EGFL8: variants seen among roughly 807,000 people sequenced by gnomAD.
EGFL8 encodes the protein EGF like domain multiple 8.
In EGFL8, 32 loss-of-function variants were observed where a neutral mutation model predicts 39.4. The ratio of observed to expected loss-of-function variants is 0.81; its 90% confidence interval spans 0.61 to 1.09. The LOEUF is 1.09. EGFL8 is among the 50% of genes least tolerant of loss of function. EGFL8 has a pLI of 0.00. For missense variants in EGFL8, 385 were observed against 402.2 expected, an observed-to-expected ratio of 0.96 and a Z score of 0.37; for synonymous variants, 177 against 168.5, an observed-to-expected ratio of 1.05 and a Z score of -0.39.
chr6:32,164,632 G>C lies in EGFL8; in HGVS notation c.-54G>C, dbSNP rs750487892. ...TGCTTCTGCTGAGGCTGGTCTGCTT[G>C]AAGCCTCCCAGGAGAAAGAAGCCAG... is the stretch of plus-strand genomic sequence containing the variant. On this transcript the variant is annotated 5_prime_UTR_variant, in exon 1 of 9. Coordinates refer to ENST00000333845, the MANE Select transcript of EGFL8 (RefSeq NM_030652.4). The surrounding 1 kb of genome is among the most constrained non-coding windows in gnomAD (Gnocchi z 5.4). 10 of 719,810 alleles carry C rather than the reference G, an allele frequency of 1.4e-5. No individual in the cohort carries two copies. Among genetic ancestry groups the C allele is most frequent in the Non-Finnish European group, 2.6e-5 (10 of 386,622 alleles). 44.6% of individuals were successfully genotyped at this position (719,810 alleles called of 1,614,324 possible).
At chr6:32,165,807 A>C (rs1002696895) in intron 1 of EGFL8, 8 of 390,836 alleles carry the variant, frequency 2.0e-5, no homozygotes, top group South Asian at 8.7e-5. Context: ...ACAAAAAAAA[A>C]CCCAAAAAAA....
chr6:32,166,447 A>C lies in EGFL8; in HGVS notation c.102-51A>C, dbSNP rs1784488664. On this transcript the variant is annotated intron_variant, in intron 2 of 8. Transcript: ENST00000333845. The surrounding 1 kb of genome is among the most constrained non-coding windows in gnomAD (Gnocchi z 7.3). ...AGGGAAGTGGGACTCCTGGCTCCCC[A>C]GGGCCTGGCCTACTCAATCTCTCCC... 1 of 1,612,114 alleles carries C rather than the reference A, an allele frequency of 6.2e-7. No homozygotes were observed. Among genetic ancestry groups the C allele is most frequent in the African/African-American group, 1.3e-5 (1 of 74,894 alleles).
Position 32,166,787 on chromosome 6 carries a change from A to AC in EGFL8, c.314dup (p.Ala107GlyfsTer5), listed in dbSNP as rs766894626. The AC allele has an allele frequency of 1.7e-5, 27 of 1,569,774 alleles. No individual in the cohort carries two copies. The highest frequency in any genetic ancestry group is 2.2e-5 in the Non-Finnish European group (25 of 1,156,742). ...TGCTGCCAGGGCTGGAAGAAGCGGC[A>AC]CCCGGGGGCGCTCACCTGTGAAGGT... On this transcript the variant is annotated frameshift_variant, in exon 4 of 9. Transcript: ENST00000333845. LOFTEE classifies it high-confidence loss of function. The surrounding 1 kb of genome is among the most constrained non-coding windows in gnomAD (Gnocchi z 7.3).
Position 32,164,823 on chromosome 6 carries a change from T to G in EGFL8, c.-29+166T>G. 7.5e-4 allele frequency: 414 copies of G among 551,840 alleles called. No individual in the cohort carries two copies. Among genetic ancestry groups the G allele is most frequent in the East Asian group, 1.4e-3 (42 of 29,508 alleles). 34.2% of individuals were successfully genotyped at this position (551,840 alleles called of 1,614,324 possible). On this transcript the variant is annotated intron_variant, in intron 1 of 8. Transcript: ENST00000333845. This position sits in a 1 kb window ranked among gnomAD's most constrained non-coding sequence, Gnocchi z 5.4. ...TGACGGTGTGGGTATATGAGGGGAGTAGCAGTGTGTGAAAGGTGTGGAGTT... is the reference window on the plus strand; with the variant it reads ...TGACGGTGTGGGTATATGAGGGGAGGAGCAGTGTGTGAAAGGTGTGGAGTT...
At position 32,166,980 on chromosome 6, in the gene EGFL8, C is replaced by T. The variant is rs1161151726; in HGVS notation, c.405C>T (p.Gly135=). The T allele has an allele frequency of 1.2e-6, 2 of 1,613,106 alleles. No individual in the cohort carries two copies. Among genetic ancestry groups the T allele is most frequent in the Admixed American group, 1.7e-5 (1 of 60,026 alleles). ...CTGACCAGTGCGAGTGCGCCCCCGG[C>T]TGGGGAGGGAAGCACTGTCATGTGG... ...VRPDQCECAP[G]WGGKHCHVDV... is the part of the protein sequence containing the mutation. The change falls in exon 5 of 9, where the codon GGC becomes GGT. Residue 135 remains glycine (G), a synonymous_variant. Coordinates refer to ENST00000333845, the MANE Select transcript of EGFL8 (RefSeq NM_030652.4). The surrounding 1 kb of genome is among the most constrained non-coding windows in gnomAD (Gnocchi z 7.3).
chr6:32,165,321 A>G (rs9267815), intron 1 of EGFL8: 27,333 of 151,292 alleles, frequency 0.18, 2,621 homozygotes, highest in Non-Finnish European at 0.21. Context: ...AGGCCAAGGC[A>G]GGCGGATCAC....
Position 32,166,274 on chromosome 6 carries a change from C to T in EGFL8, c.101+8C>T. 1 of 1,613,626 alleles carries T rather than the reference C, an allele frequency of 6.2e-7. No homozygotes were observed. The highest frequency in any genetic ancestry group is 8.5e-7 in the Non-Finnish European group (1 of 1,179,860). ...TGGATCCCTCAGAGAGAGGTGACAA[C>T]AGAGGGGGTAGGGCCCGGGGTGAGC... On this transcript the variant is annotated splice_region_variant and intron_variant, in intron 2 of 8. Transcript: ENST00000333845. The surrounding 1 kb of genome is among the most constrained non-coding windows in gnomAD (Gnocchi z 7.3).
rs1239747585 is a variant in EGFL8 at position 32,168,171 on chromosome 6, CT to C, written c.*217del. ...GGGCAGGTTGCCTGGGCAAGAACTG[CT>C]TCTTCAATTCCTTAACAAATGCAAC... On this transcript the variant is annotated 3_prime_UTR_variant, in exon 9 of 9. Coordinates refer to ENST00000333845, the MANE Select transcript of EGFL8 (RefSeq NM_030652.4). The surrounding 1 kb of genome is among the most constrained non-coding windows in gnomAD (Gnocchi z 4.5). The C allele has an allele frequency of 4.2e-6, 2 of 481,714 alleles. No individual in the cohort carries two copies. The highest frequency in any genetic ancestry group is 7.5e-6 in the Non-Finnish European group (2 of 264,906). The allele number at this position is 481,714 out of a possible 1,614,324, so 29.8% of individuals were successfully genotyped here.
In EGFL8 at chr6:32,166,630, G is replaced by C. The variant is rs757166744; in HGVS notation, c.224+10G>C. ...TCTGCAGCACTTACAGGTGAGGGAT[G>C]GGGAGATGGGACCCCAAGAACCCCA... On this transcript the variant is annotated intron_variant, in intron 3 of 8. Transcript: ENST00000333845. The surrounding 1 kb of genome is among the most constrained non-coding windows in gnomAD (Gnocchi z 7.3). The C allele has an allele frequency of 6.2e-7, 1 of 1,614,196 alleles. No homozygotes were observed. The highest frequency in any genetic ancestry group is 1.1e-5 in the South Asian group (1 of 91,088).
rs962975484 is a variant in EGFL8, at chr6:32,167,686, T to C, written c.835+30T>C. 3 of 1,580,368 alleles carry C rather than the reference T, an allele frequency of 1.9e-6. No individual in the cohort carries two copies. Among genetic ancestry groups the C allele is most frequent in the Non-Finnish European group, 1.7e-6 (2 of 1,162,020 alleles). Reference sequence around the variant, plus strand: ...GTCCTCACACTCCTCCCGCCTTGACTTCTATTCCCCAACTTTCCCCAAGAC... The same window carrying C: ...GTCCTCACACTCCTCCCGCCTTGACCTCTATTCCCCAACTTTCCCCAAGAC... On this transcript the variant is annotated intron_variant, in intron 8 of 8. Coordinates refer to ENST00000333845, the MANE Select transcript of EGFL8 (RefSeq NM_030652.4). The surrounding 1 kb of genome is among the most constrained non-coding windows in gnomAD (Gnocchi z 6.4).
rs1296232178 is a variant in EGFL8 at position 32,166,508 on chromosome 6, T to C, written c.112T>C (p.Cys38Arg). Residue 38 changes from cysteine (C) to arginine (R), a missense_variant, in exon 3 of 9, where the codon TGC becomes CGC. By Grantham distance (180) the Cys-to-Arg change is radical (BLOSUM62 -3). Coordinates refer to ENST00000333845, the MANE Select transcript of EGFL8 (RefSeq NM_030652.4). The surrounding 1 kb of genome is among the most constrained non-coding windows in gnomAD (Gnocchi z 7.3). ...GGSLRESQGV[C>R]SKQTLVVPLH... ...CTGGCATGGACGCAGTCAGGGAGTCTGCTCCAAGCAGACACTGGTGGTCCC... is the reference window on the plus strand; with the variant it reads ...CTGGCATGGACGCAGTCAGGGAGTCCGCTCCAAGCAGACACTGGTGGTCCC... The C allele has an allele frequency of 1.2e-6, 2 of 1,613,500 alleles. No homozygotes were observed. Among genetic ancestry groups the C allele is most frequent in the African/African-American group, 1.3e-5 (1 of 74,896 alleles).
At position 32,166,679 on chromosome 6, in the gene EGFL8, T is replaced by C; in HGVS notation, c.225-22T>C. Reference sequence around the variant, plus strand: ...CAACTAGGACCCGTACTCAGGGTCCTGAGCCGGGCGCTGTGTTCCAGGACC... The same window carrying C: ...CAACTAGGACCCGTACTCAGGGTCCCGAGCCGGGCGCTGTGTTCCAGGACC... On this transcript the variant is annotated intron_variant, in intron 3 of 8. Transcript: ENST00000333845. The surrounding 1 kb of genome is among the most constrained non-coding windows in gnomAD (Gnocchi z 7.3). 1 of 1,613,636 alleles carries C rather than the reference T, an allele frequency of 6.2e-7. No homozygotes were observed. Among genetic ancestry groups the C allele is most frequent in the South Asian group, 1.1e-5 (1 of 91,076 alleles).
chr6:32,166,767 C>T lies in EGFL8; in HGVS notation c.291C>T (p.Cys97=), dbSNP rs1387134509. The T allele has an allele frequency of 6.3e-7, 1 of 1,575,460 alleles. No homozygotes were observed. The highest frequency in any genetic ancestry group is 8.6e-7 in the Non-Finnish European group (1 of 1,159,160). Residue 97 remains cysteine, a synonymous_variant, in exon 4 of 9, where the codon TGC becomes TGT. Coordinates refer to ENST00000333845, the MANE Select transcript of EGFL8 (RefSeq NM_030652.4). The surrounding 1 kb of genome is among the most constrained non-coding windows in gnomAD (Gnocchi z 7.3). The part of the protein sequence containing the change: ...REVQQTHAVC[C]QGWKKRHPGA... ...TTCAGCAGACCCATGCAGTGTGCTG[C>T]CAGGGCTGGAAGAAGCGGCACCCGG...
chr6:32,167,967 C>T lies in EGFL8; in HGVS notation c.*11C>T. 2 of 1,614,116 alleles carry T rather than the reference C, an allele frequency of 1.2e-6. No individual in the cohort carries two copies. Among genetic ancestry groups the T allele is most frequent in the East Asian group, 2.2e-5 (1 of 44,886 alleles). ...GTCAATCATCGATAAGAAGCCTCTACAGCACCCCTGCCCCCTAATTTATAC... is the reference window on the plus strand; with the variant it reads ...GTCAATCATCGATAAGAAGCCTCTATAGCACCCCTGCCCCCTAATTTATAC... On this transcript the variant is annotated 3_prime_UTR_variant, in exon 9 of 9. Coordinates refer to ENST00000333845, the MANE Select transcript of EGFL8 (RefSeq NM_030652.4). This position sits in a 1 kb window ranked among gnomAD's most constrained non-coding sequence, Gnocchi z 6.4.
rs550825693 is a variant in EGFL8, at chr6:32,164,791, C to T, written c.-29+134C>T. 20 of 632,650 alleles carry T rather than the reference C, an allele frequency of 3.2e-5. No homozygotes were observed. Among genetic ancestry groups the T allele is most frequent in the Non-Finnish European group, 5.6e-5 (19 of 342,316 alleles). 39.2% of individuals were successfully genotyped at this position (632,650 alleles called of 1,614,324 possible). On this transcript the variant is annotated intron_variant, in intron 1 of 8. Transcript: ENST00000333845. The surrounding 1 kb of genome is among the most constrained non-coding windows in gnomAD (Gnocchi z 5.4). ...TGGAGCAAGGGATGTGCATTTAGGG[C>T]GTTATGTGACGGTGTGGGTATATGA...
chr6:32,167,549 C>A lies in EGFL8; in HGVS notation c.728C>A (p.Pro243Gln). ...TGGGTCAGAGCGGTGCTGCCCGTGC[C>A]GCCTGAAGAGCTGCAGCCAGAACAG... ...GAWVRAVLPV[P>Q]PEELQPEQVA... The change falls in exon 8 of 9, where the codon CCG becomes CAG. Residue 243 changes from proline (P) to glutamine (Q), a missense_variant. Transcript: ENST00000333845. This position sits in a 1 kb window ranked among gnomAD's most constrained non-coding sequence, Gnocchi z 6.4. 6.2e-7 allele frequency: 1 copy of A among 1,609,074 alleles called. No homozygotes were observed. Among genetic ancestry groups the A allele is most frequent in the South Asian group, 1.1e-5 (1 of 91,034 alleles).
rs201259021 is a variant in EGFL8, at chr6:32,166,585, C to T, written c.189C>T (p.Thr63=). 1.1e-4 allele frequency: 173 copies of T among 1,614,204 alleles called. 1 individual carries two copies. Among genetic ancestry groups the T allele is most frequent in the East Asian group, 1.0e-3 (46 of 44,882 alleles). The stretch of plus-strand genomic sequence containing the variant: ...AACCAGTGTACAAGCCCTACCTGAC[C>T]TTGTGCGCTGGGAGGCGCATCTGCA... ...YSQPVYKPYL[T]LCAGRRICST... The change falls in exon 3 of 9, where the codon ACC becomes ACT. Residue 63 remains threonine (T), a synonymous_variant. Coordinates refer to ENST00000333845, the MANE Select transcript of EGFL8 (RefSeq NM_030652.4). The surrounding 1 kb of genome is among the most constrained non-coding windows in gnomAD (Gnocchi z 7.3).
Position 32,164,739 on chromosome 6 carries a change from G to A in EGFL8, c.-29+82G>A, listed in dbSNP as rs1291703390. On this transcript the variant is annotated intron_variant, in intron 1 of 8. Transcript: ENST00000333845. The surrounding 1 kb of genome is among the most constrained non-coding windows in gnomAD (Gnocchi z 5.4). The stretch of plus-strand genomic sequence containing the variant: ...AGTGGGGTTTACTCAGAGCCTTAGG[G>A]TGGGCATGAGTTGCGGGGTGTTTTG... 4.4e-6 allele frequency: 3 copies of A among 685,204 alleles called. No homozygotes were observed. The highest frequency in any genetic ancestry group is 8.2e-6 in the Non-Finnish European group (3 of 366,126). The allele number at this position is 685,204 out of a possible 1,614,324, so 42.4% of individuals were successfully genotyped here.
At position 32,166,684 on chromosome 6, in the gene EGFL8, C is replaced by T. The variant is rs768293732; in HGVS notation, c.225-17C>T. On this transcript the variant is annotated splice_polypyrimidine_tract_variant and intron_variant, in intron 3 of 8. Coordinates refer to ENST00000333845, the MANE Select transcript of EGFL8 (RefSeq NM_030652.4). The surrounding 1 kb of genome is among the most constrained non-coding windows in gnomAD (Gnocchi z 7.3). ...AGGACCCGTACTCAGGGTCCTGAGC[C>T]GGGCGCTGTGTTCCAGGACCATGTA... 4.3e-5 allele frequency: 69 copies of T among 1,613,136 alleles called. No homozygotes were observed. The highest frequency in any genetic ancestry group is 5.6e-5 in the Non-Finnish European group (66 of 1,179,420).
Sources: allele counts gnomAD v4.1 joint callset, GRCh38; gene constraint gnomAD v4.1.1; non-coding constraint Gnocchi (gnomAD v3.1); transcripts MANE v1.5; gene names NCBI Gene and HGNC (gene_info 2026-07-23, HGNC 2026-07-21).